CDC73: variants seen among roughly 807,000 people sequenced by gnomAD.
CDC73 encodes the protein cell division cycle 73, also known as parafibromin.
A neutral mutation model predicts 83.7 loss-of-function variants in CDC73; 21 were observed. The ratio of observed to expected loss-of-function variants is 0.25; its 90% CI spans 0.18 to 0.36. The LOEUF is 0.36. CDC73 is among the 10% of genes least tolerant of loss of function. The pLI, the probability that CDC73 is intolerant of heterozygous loss-of-function variation, is 1.00. For missense variants in CDC73, 342 were observed against 653.3 expected (o/e 0.52, Z 5.19); for synonymous variants, 224 against 212.9 (o/e 1.05, Z -0.45).
intron 11 of CDC73, among the ~76,000 whole-genome samples, chr1:193,204,826 C>T (rs1329230422): frequency 2.6e-5 from 4 of 152,058 alleles, no homozygotes; most frequent in Non-Finnish European, 4.4e-5. Context: ...TATATCCATC[C>T]TTTCATCAGT....
chr1:193,122,550 C>G (rs536682690), intron 1 of CDC73: 6 of 540,664 alleles, frequency 1.1e-5, no homozygotes, highest in African/African-American at 9.5e-5. Context: ...TTTTGAGAAG[C>G]CCAAAGGAAA....
intron 10 of CDC73, among the ~76,000 whole-genome samples, chr1:193,196,338 A>C (rs1454862620): frequency 1.3e-5 from 2 of 152,090 alleles, no homozygotes. Flanking sequence ...TAGTCCATTA[A>C]TCTGTATGTC....
At chr1:193,159,534 C>G (rs1296962397) in intron 10 of CDC73, among the ~76,000 whole-genome samples, 1 of 151,974 alleles carries the variant, frequency 6.6e-6, no homozygotes, top group Non-Finnish European at 1.5e-5. Flanking sequence ...CCATGCCTGG[C>G]TAATTTTTTG....
intron 10 of CDC73, among the ~76,000 whole-genome samples, chr1:193,165,418 T>C (rs944081557): frequency 6.6e-6 from 1 of 152,212 alleles, no homozygotes. Context: ...AATAGAGAAG[T>C]ATAAAGAAGA....
intron 10 of CDC73, among the ~76,000 whole-genome samples, chr1:193,163,927 C>T (rs1007829787): frequency 1.4e-4 from 22 of 151,954 alleles, no homozygotes; most frequent in African/African-American, 4.6e-4. Context: ...TACAGGTGCC[C>T]GCCACCACAC....
At chr1:193,125,309 G>C (rs1361491312) in intron 2 of CDC73, 92 bp downstream of exon 2, 1 of 780,670 alleles carries the variant, frequency 1.3e-6, no homozygotes, top group Non-Finnish European at 2.2e-6. Context: ...CCCGGGCTAG[G>C]GTGCAGTGGT....
chr1:193,193,399 C>T (rs1676950103), intron 10 of CDC73, among the ~76,000 whole-genome samples: 1 of 152,102 alleles, frequency 6.6e-6, no homozygotes, highest in Non-Finnish European at 1.5e-5. Flanking sequence ...TATATAAACT[C>T]TTAATTGAAA....
At chr1:193,234,175 T>TCTCACACACACA (rs1241998258) in intron 14 of CDC73, among the ~76,000 whole-genome samples, 1 of 101,414 alleles carries the variant, frequency 9.9e-6, no homozygotes, top group African/African-American at 4.2e-5. Context: ...TCTCTCTCTC[T>TCTCACACACACA]CACACACACA....
At position 193,122,173 on chromosome 1, in the gene CDC73, C is replaced by G. The variant is rs759109408; in HGVS notation, c.-28C>G. On this transcript the variant is annotated 5_prime_UTR_variant, in exon 1 of 17. Coordinates refer to ENST00000367435, the MANE Select transcript of CDC73 (RefSeq NM_024529.5). ...AGGCGCGGCGGCAGCGGCGGCGCCC[C>G]GAGCCGGCGGAGGCGAGGGGGGGGA... 5 of 1,610,736 alleles carry G rather than the reference C, an allele frequency of 3.1e-6. No individual in the cohort carries two copies. The highest frequency in any genetic ancestry group is 1.3e-5 in the African/African-American group (1 of 74,822).
At chr1:193,139,416 G>A (rs1309775368) in intron 6 of CDC73, among the ~76,000 whole-genome samples, 1 of 151,950 alleles carries the variant, frequency 6.6e-6, no homozygotes, top group African/African-American at 2.4e-5. Context: ...ACAGGTGCAT[G>A]CCACCACGCC....
rs1005226550 is a variant in CDC73 at position 193,142,986 on chromosome 1, A to G, written c.729+920A>G. Among the ~76,000 whole-genome samples the G allele has an allele frequency of 3.3e-5, 5 of 152,180 alleles. No individual in the cohort carries two copies. In the South Asian group the frequency reaches 1.0e-3, roughly 31 times the overall value. Reference sequence around the variant, plus strand: ...GCACAGTTGTTAATAATGATGATCTAGTAAGAATGTTGAAGTGTGCAAAGT... The same window carrying G: ...GCACAGTTGTTAATAATGATGATCTGGTAAGAATGTTGAAGTGTGCAAAGT... On this transcript the variant is annotated intron_variant, in intron 7 of 16. Transcript: ENST00000367435.
In CDC73 at chr1:193,252,972, T is replaced by A. The variant is rs1678068394; in HGVS notation, c.*2260T>A. ...CAGAATTACAGGGAATGAAGAGAGGTATAAGTAGATATTTTAATGGAAATG... is the reference window on the plus strand; with the variant it reads ...CAGAATTACAGGGAATGAAGAGAGGAATAAGTAGATATTTTAATGGAAATG... On this transcript the variant is annotated 3_prime_UTR_variant, in exon 17 of 17. Transcript: ENST00000367435. The A allele has an allele frequency of 4.3e-6, 1 of 231,566 alleles. No individual in the cohort carries two copies. The highest frequency in any genetic ancestry group is 1.8e-4 in the South Asian group (1 of 5,510). 14.3% of individuals were successfully genotyped at this position (231,566 alleles called of 1,614,324 possible).
Position 193,236,441 on chromosome 1 carries a change from A to G in CDC73, c.1417+85A>G, listed in dbSNP as rs142155454. The G allele has an allele frequency of 1.1e-3, 931 of 856,154 alleles. 10 individuals carry two copies. Among genetic ancestry groups the G allele is most frequent in the African/African-American group, 9.5e-3 (579 of 60,722 alleles). 53.0% of individuals were successfully genotyped at this position (856,154 alleles called of 1,614,324 possible). On this transcript the variant is annotated intron_variant, in intron 15 of 16. Coordinates refer to ENST00000367435, the MANE Select transcript of CDC73 (RefSeq NM_024529.5). Reference sequence around the variant, plus strand: ...GAAACAGTCATATAGTTCTGCGCATATGATGTGTATGTCAAAAGATTGCTG... The same window carrying G: ...GAAACAGTCATATAGTTCTGCGCATGTGATGTGTATGTCAAAAGATTGCTG...
chr1:193,125,522 G>A lies in CDC73; in HGVS notation c.237+305G>A, dbSNP rs537941074. Reference sequence around the variant, plus strand: ...GTGGATCCTCCTGCCTCGGCCTCCCGAAGTGCTGGGATTACTGGCATGAAT... The same window carrying A: ...GTGGATCCTCCTGCCTCGGCCTCCCAAAGTGCTGGGATTACTGGCATGAAT... On this transcript the variant is annotated intron_variant, in intron 2 of 16. Transcript: ENST00000367435. 3.3e-5 allele frequency among the ~76,000 whole-genome samples: 5 copies of A among 152,036 alleles called. No individual in the cohort carries two copies. The East Asian group carries it at 9.7e-4, about 29-fold the overall frequency.
Position 193,233,129 on chromosome 1 carries a change from C to T in CDC73, c.1291C>T (p.Pro431Ser). The change falls in exon 14 of 17, where the codon CCC becomes TCC. Residue 431 changes from proline to serine, a missense_variant. Around this residue, in one of 3 missense-constraint regions of CDC73, gnomAD observed 239 missense variants for 420.6 expected, o/e 0.57. Coordinates refer to ENST00000367435, the MANE Select transcript of CDC73 (RefSeq NM_024529.5). The stretch of plus-strand genomic sequence containing the variant: ...AGTACCTTATAGAGTAGTAGACCAG[C>T]CCCTTAAACTTATGCCTCAAGACTG... ...VTVPYRVVDQ[P>S]LKLMPQDWDR... 1 of 1,613,128 alleles carries T rather than the reference C, an allele frequency of 6.2e-7. No homozygotes were observed. The highest frequency in any genetic ancestry group is 8.5e-7 in the Non-Finnish European group (1 of 1,179,194).
chr1:193,247,703 A>ATGGGGAAAGCTTGATTGG (rs1253968265), intron 15 of CDC73, among the ~76,000 whole-genome samples: 3 of 152,116 alleles, frequency 2.0e-5, no homozygotes, highest in African/African-American at 7.2e-5. Context: ...TATTGCTGAT[A>ATGGGGAAAGCTTGATTGG]TGGGGAAAGC....
At chr1:193,180,425 T>C (rs1175648890) in intron 10 of CDC73, 1 of 1,614,028 alleles carries the variant, frequency 6.2e-7, no homozygotes, top group East Asian at 2.2e-5. Context: ...TGAGAGGTAA[T>C]TAGGTGGCTG....
intron 13 of CDC73, among the ~76,000 whole-genome samples, chr1:193,230,882 C>T (rs1293141480): frequency 1.3e-5 from 2 of 152,036 alleles, no homozygotes; most frequent in Non-Finnish European, 2.9e-5. Context: ...TGCTGAAAAG[C>T]GTTTTGAAAT....
chr1:193,176,100 G>A (rs774982588), intron 10 of CDC73, among the ~76,000 whole-genome samples: 11 of 152,106 alleles, frequency 7.2e-5, no homozygotes, highest in Non-Finnish European at 1.6e-4. Context: ...TTAAGCAAAT[G>A]TGAAACATTG....
Sources: allele counts gnomAD v4.1 joint callset (sites outside exome capture counted in the v4.1 genomes callset), GRCh38; gene constraint gnomAD v4.1.1; regional missense constraint gnomAD v4.1.1; transcripts MANE v1.5; gene names NCBI Gene and HGNC (gene_info 2026-07-23, HGNC 2026-07-21).